DNAJC13: variants seen among roughly 807,000 people sequenced by gnomAD.
DNAJC13 encodes the protein dnaJ homolog subfamily C member 13.
A neutral mutation model predicts 290.5 loss-of-function variants in DNAJC13; 75 were observed. The ratio of observed to expected loss-of-function variants is 0.26; its 90% CI spans 0.21 to 0.31. The LOEUF is 0.31. Ranked by LOEUF, DNAJC13 falls within the 10% of genes least tolerant of loss-of-function variation. The pLI is 1.00. For synonymous variants in DNAJC13, 862 were observed against 892.0 expected (o/e 0.97, Z 0.60); for missense variants, 2,260 against 2,674.5 (o/e 0.85, Z 3.42).
intron 1 of DNAJC13, among the ~76,000 whole-genome samples, chr3:132,433,794 A>T (rs1354235683): frequency 6.6e-6 from 1 of 152,212 alleles, no homozygotes; most frequent in Non-Finnish European, 1.5e-5. Context: ...TACACTGGGG[A>T]TGTTGATAGA....
At chr3:132,523,864 G>A (rs1340850483) in intron 51 of DNAJC13, 151 bp downstream of exon 51, 3 of 732,412 alleles carry the variant, frequency 4.1e-6, no homozygotes, top group African/African-American at 3.6e-5. Flanking sequence ...TATGCCCCTC[G>A]ATCATTTTTT....
chr3:132,529,915 A>G (rs1443628351), intron 54 of DNAJC13, among the ~76,000 whole-genome samples: 1 of 152,076 alleles, frequency 6.6e-6, no homozygotes, highest in Admixed American at 6.6e-5. Flanking sequence ...GTTTTTGCCT[A>G]TGAGTGTTCT....
chr3:132,490,587 C>CCA (rs1935031295), intron 31 of DNAJC13, among the ~76,000 whole-genome samples: 2 of 152,098 alleles, frequency 1.3e-5, no homozygotes, highest in African/African-American at 4.8e-5. Context: ...TTCTGTTATC[C>CCA]ATTACTGTTA....
At chr3:132,498,818 C>T (rs1374022987) in intron 36 of DNAJC13, among the ~76,000 whole-genome samples, 1 of 152,070 alleles carries the variant, frequency 6.6e-6, no homozygotes, top group Non-Finnish European at 1.5e-5. Flanking sequence ...CGGGTTCACA[C>T]CTTTCTCCTG....
chr3:132,433,991 A>T (rs1939307364), intron 1 of DNAJC13, among the ~76,000 whole-genome samples: 1 of 152,182 alleles, frequency 6.6e-6, no homozygotes, highest in East Asian at 1.9e-4. Flanking sequence ...AGGCGGGAGG[A>T]TCATGAGGTC....
chr3:132,488,089 A>C (rs1014600418), intron 29 of DNAJC13, among the ~76,000 whole-genome samples: 2 of 152,138 alleles, frequency 1.3e-5, no homozygotes, highest in Admixed American at 1.3e-4. Context: ...CATTTTGATC[A>C]ATTCTCAATT....
chr3:132,506,045 CTT>C (rs573857472), intron 42 of DNAJC13, among the ~76,000 whole-genome samples: 33 of 72,642 alleles, frequency 4.5e-4, no homozygotes, highest in East Asian at 6.5e-4. Context: ...TGTACATTAT[CTT>C]TTTTTTTTTT....
chr3:132,518,061 TTTTA>T (rs753380950), intron 48 of DNAJC13, among the ~76,000 whole-genome samples: 88 of 152,014 alleles, frequency 5.8e-4, no homozygotes, highest in African/African-American at 1.4e-3. Context: ...TATTAATTTT[TTTTA>T]TTTATTATTA....
chr3:132,522,207 C>G, intron 48 of DNAJC13, among the ~76,000 whole-genome samples: 1 of 152,190 alleles, frequency 6.6e-6, no homozygotes, highest in Non-Finnish European at 1.5e-5. Flanking sequence ...ATAAACGTGA[C>G]GATCTGAAGG....
intron 29 of DNAJC13, among the ~76,000 whole-genome samples, chr3:132,486,048 T>A (rs536191357): frequency 6.8e-6 from 1 of 146,608 alleles, no homozygotes; most frequent in East Asian, 2.0e-4. Context: ...TCATTGATGC[T>A]GAAAAAGACT....
chr3:132,520,713 T>A (rs7633214), intron 48 of DNAJC13, among the ~76,000 whole-genome samples: 14,805 of 152,212 alleles, frequency 0.097, 854 homozygotes, highest in South Asian at 0.14. Context: ...AAGACAGTTA[T>A]CCTAAATACA....
At position 132,460,253 on chromosome 3, in the gene DNAJC13, A is replaced by G; in HGVS notation, c.1453A>G (p.Met485Val). Residue 485 changes from methionine to valine, a missense_variant, in exon 14 of 56, where the codon ATG becomes GTG. Met to Val is a conservative substitution (Grantham distance 21). Coordinates refer to ENST00000260818, the MANE Select transcript of DNAJC13 (RefSeq NM_015268.4). ...VDMLCALMCP[M>V]HDDYDLRQEQ... ...GTTTTTTTTTTTTCATCAATAGCCC[A>G]TGCATGATGACTATGACTTAAGACA... is the stretch of plus-strand genomic sequence containing the variant. The G allele has an allele frequency of 6.3e-7, 1 of 1,594,768 alleles. No homozygotes were observed. The highest frequency in any genetic ancestry group is 8.6e-7 in the Non-Finnish European group (1 of 1,167,586).
chr3:132,491,868 A>T (rs1057081519), intron 32 of DNAJC13, among the ~76,000 whole-genome samples: 4 of 152,162 alleles, frequency 2.6e-5, no homozygotes, highest in African/African-American at 9.7e-5. Context: ...TCTGTATGGC[A>T]GTCATATTTT....
chr3:132,461,821 G>A (rs1933807993), intron 15 of DNAJC13, among the ~76,000 whole-genome samples: 1 of 152,072 alleles, frequency 6.6e-6, no homozygotes, highest in Non-Finnish European at 1.5e-5. Context: ...TTGCTGAGTA[G>A]CTGGGACCAC....
chr3:132,434,655 T>A, intron 2 of DNAJC13, 37 bp downstream of exon 2: 1 of 1,518,470 alleles, frequency 6.6e-7, no homozygotes, highest in Non-Finnish European at 9.0e-7. Context: ...TCTGTGCTTC[T>A]ATAAAATATT....
intron 1 of DNAJC13, among the ~76,000 whole-genome samples, chr3:132,434,317 C>G (rs1432450265): frequency 2.0e-5 from 3 of 148,634 alleles, no homozygotes; most frequent in Non-Finnish European, 4.4e-5. Context: ...ACCCAGGAGG[C>G]GGAGCTTGCA....
chr3:132,484,562 T>C, intron 28 of DNAJC13, 26 bp from the exon 29 acceptor site: 1 of 1,599,108 alleles, frequency 6.3e-7, no homozygotes, highest in South Asian at 1.1e-5. Flanking sequence ...ATATATTAAA[T>C]GTTGACGTGA....
chr3:132,517,795 T>G (rs1029011525), intron 48 of DNAJC13, among the ~76,000 whole-genome samples: 1 of 152,200 alleles, frequency 6.6e-6, no homozygotes, highest in Non-Finnish European at 1.5e-5. Flanking sequence ...TTAAACACTT[T>G]TTACATTAAT....
At position 132,479,249 on chromosome 3, in the gene DNAJC13, A is replaced by T. The variant is rs747888983; in HGVS notation, c.2732A>T (p.Asp911Val). 3 of 1,608,824 alleles carry T rather than the reference A, an allele frequency of 1.9e-6. No individual in the cohort carries two copies. The South Asian group carries it at 3.3e-5, about 18-fold the overall frequency. ...TAGTGCACAGATAAACTTGAACGAG[A>T]TAGGTTGATTCTCTTCCTTAACAAG... ...LERCTDKLER[D>V]RLILFLNKLI... The change falls in exon 25 of 56, where the codon GAT (aspartate) becomes GTT (valine). Residue 911 changes from aspartate (D) to valine (V), a missense_variant. Asp to Val is a radical substitution (Grantham distance 152). Coordinates refer to ENST00000260818, the MANE Select transcript of DNAJC13 (RefSeq NM_015268.4).
Sources: allele counts gnomAD v4.1 joint callset (sites outside exome capture counted in the v4.1 genomes callset), GRCh38; gene constraint gnomAD v4.1.1; transcripts MANE v1.5; gene names NCBI Gene and HGNC (gene_info 2026-07-23, HGNC 2026-07-21).